Variants in SIX4 observed in about 807,000 individuals in gnomAD.
SIX4 encodes SIX homeobox 4.
SIX4 carries 23 observed loss-of-function variants against 51.5 expected under a neutral mutation model. That is an observed-to-expected ratio of 0.45 (90% confidence interval 0.32 to 0.63). The LOEUF (loss-of-function observed/expected upper bound fraction) is 0.63, where lower values mean the gene tolerates loss of function less well. Among genes scored for constraint, SIX4 ranks in the 30% least tolerant of loss-of-function variants. The pLI, the probability that SIX4 is intolerant of heterozygous loss-of-function variation, is 0.04. For synonymous variants in SIX4, 413 were observed against 417.3 expected, an observed-to-expected ratio of 0.99 and a Z score of 0.13; for missense variants, 867 against 984.0, an observed-to-expected ratio of 0.88 and a Z score of 1.59.
At chr14:60,721,704 G>A (rs564288657) in intron 1 of SIX4, among the ~76,000 whole-genome samples, 71 of 152,308 alleles carry the variant, frequency 4.7e-4, no homozygotes, top group African/African-American at 1.3e-3. Context: ...CCCGGCTCGC[G>A]AGCGGAGGCG....
In SIX4 at chr14:60,713,847, C is replaced by G. The variant is rs115086834; in HGVS notation, c.1906G>C (p.Asp636His). ...TLLNPTELNR[D>H]IADSQPMSAP... is the part of the protein sequence containing the mutation. ...GACATTGGTTGGCTATCGGCAATGT[C>G]GCGGTTTAGCTCAGTGGGATTTAGT... Residue 636 changes from aspartate (D) to histidine (H), a missense_variant, in exon 3 of 3, where the codon GAC becomes CAC. Transcript: ENST00000216513. The G allele has an allele frequency of 4.9e-4, 783 of 1,614,056 alleles. 2 individuals are homozygous for G. In the African/African-American group the frequency reaches 9.6e-3, roughly 20 times the overall value.
Position 60,722,968 on chromosome 14 carries a change from G to A in SIX4, c.863+244C>T, listed in dbSNP as rs1896052908. 10 of 684,332 alleles carry A rather than the reference G, an allele frequency of 1.5e-5. No homozygotes were observed. Among genetic ancestry groups the A allele is most frequent in the Non-Finnish European group, 2.3e-5 (10 of 439,128 alleles). The allele number at this position is 684,332 out of a possible 1,614,324, so 42.4% of individuals were successfully genotyped here. A position where few individuals can be genotyped will look rare whatever the true frequency, so the allele number is the denominator to read the frequency against. On this transcript the variant is annotated intron_variant, in intron 1 of 2. Coordinates refer to ENST00000216513, the MANE Select transcript of SIX4 (RefSeq NM_017420.5). The surrounding 1 kb of genome is among the most constrained non-coding windows in gnomAD (Gnocchi z 5.9). ...AGGTGGGGGCGGGGACTGAGACCTA[G>A]GCGGGCGACCAGAAACTTCTGGGGG...
At position 60,711,533 on chromosome 14, in the gene SIX4, C is replaced by G. The variant is rs2140264639; in HGVS notation, c.*1874G>C. The G allele has an allele frequency of 6.6e-6, 1 of 151,646 alleles. No individual in the cohort carries two copies. Among genetic ancestry groups the G allele is most frequent in the South Asian group, 2.1e-4 (1 of 4,812 alleles). 9.4% of individuals were successfully genotyped at this position (151,646 alleles called of 1,614,324 possible). A position where few individuals can be genotyped will look rare whatever the true frequency, so the allele number is the denominator to read the frequency against. On this transcript the variant is annotated 3_prime_UTR_variant, in exon 3 of 3. Transcript: ENST00000216513. The stretch of plus-strand genomic sequence containing the variant: ...AGGCACAGTGGCTCATGCCTATAAT[C>G]CCAGCACTTTGGGAGGCCGAGGCGG...
At chr14:60,721,895 C>G (rs1203317118) in intron 1 of SIX4, among the ~76,000 whole-genome samples, 1 of 152,244 alleles carries the variant, frequency 6.6e-6, no homozygotes, top group Non-Finnish European at 1.5e-5. Context: ...ACGCACATCC[C>G]GGTGCACCTT....
At position 60,724,034 on chromosome 14, in the gene SIX4, G is replaced by T. The variant is rs1442875808; in HGVS notation, c.41C>A (p.Ala14Glu). 1 of 1,528,850 alleles carries T rather than the reference G, an allele frequency of 6.5e-7. No individual in the cohort carries two copies. Among genetic ancestry groups the T allele is most frequent in the Non-Finnish European group, 8.8e-7 (1 of 1,138,580 alleles). 94.7% of individuals were successfully genotyped at this position (1,528,850 alleles called of 1,614,324 possible). A position where few individuals can be genotyped will look rare whatever the true frequency, so the allele number is the denominator to read the frequency against. Residue 14 changes from alanine to glutamate, a missense_variant, in exon 1 of 3, where the codon GCG becomes GAG. By Grantham distance (107) the Ala-to-Glu change is moderately radical. Coordinates refer to ENST00000216513, the MANE Select transcript of SIX4 (RefSeq NM_017420.5). ...SSPTGQIASA[A>E]DIKQENGMES... ...CATCCCATTCTCTTGCTTGATGTCC[G>T]CCGCACTTGCGATCTGCCCGGTGGG...
rs1895866747 is a variant in SIX4 at position 60,713,793 on chromosome 14, TCA to T, written c.1958_1959del (p.Val653AspfsTer7). The T allele has an allele frequency of 1.9e-6, 3 of 1,614,098 alleles. No homozygotes were observed. The highest frequency in any genetic ancestry group is 2.5e-6 in the Non-Finnish European group (3 of 1,180,046). ...MSAPVASKST[V>X]TSVSNTNYAT... ...GCATAGTTAGTGTTGCTGACAGATG[TCA>T]CAGTAGATTTGCTTGCCACCGGTGC... On this transcript the variant is annotated frameshift_variant, in exon 3 of 3. Transcript: ENST00000216513. LOFTEE classifies it high-confidence loss of function.
rs936789846 is a variant in SIX4 at position 60,709,784 on chromosome 14, G to T, written c.*3623C>A. Reference sequence around the variant, plus strand: ...CCCCATGATATACATTCTGTATAGAGTTTCTCTTTGTGTAAGGCACAGTAA... The same window carrying T: ...CCCCATGATATACATTCTGTATAGATTTTCTCTTTGTGTAAGGCACAGTAA... On this transcript the variant is annotated 3_prime_UTR_variant, in exon 3 of 3. Transcript: ENST00000216513. This position sits in a 1 kb window ranked among gnomAD's most constrained non-coding sequence, Gnocchi z 4.1. 6.6e-6 allele frequency: 1 copy of T among 152,554 alleles called. No individual in the cohort carries two copies. Among genetic ancestry groups the T allele is most frequent in the African/African-American group, 2.4e-5 (1 of 41,416 alleles). 9.5% of individuals were successfully genotyped at this position (152,554 alleles called of 1,614,324 possible). A position where few individuals can be genotyped will look rare whatever the true frequency, so the allele number is the denominator to read the frequency against.
At position 60,720,453 on chromosome 14, in the gene SIX4, G is replaced by A. The variant is rs771159600; in HGVS notation, c.864-8C>T. ...GGGTTGCCATCTGACTCACTGTATG[G>A]AGGGGGAAATCAAAATGTTCAGAAG... On this transcript the variant is annotated splice_region_variant and splice_polypyrimidine_tract_variant and intron_variant, in intron 1 of 2. Transcript: ENST00000216513. This position sits in a 1 kb window ranked among gnomAD's most constrained non-coding sequence, Gnocchi z 5.5. The A allele has an allele frequency of 1.1e-5, 17 of 1,604,904 alleles. No individual in the cohort carries two copies. The highest frequency in any genetic ancestry group is 3.3e-4 in the Middle Eastern group (2 of 5,998).
Position 60,713,924 on chromosome 14 carries a change from G to A in SIX4, c.1829C>T (p.Ser610Leu), listed in dbSNP as rs1895869956. 6 of 1,614,158 alleles carry A rather than the reference G, an allele frequency of 3.7e-6. No homozygotes were observed. Among genetic ancestry groups the A allele is most frequent in the Non-Finnish European group, 5.1e-6 (6 of 1,180,028 alleles). ...GTGAGTTGGAGATACATTAACTAATGAGGAGGCCAGTGGATGCAGGCCACT... is the reference window on the plus strand; with the variant it reads ...GTGAGTTGGAGATACATTAACTAATAAGGAGGCCAGTGGATGCAGGCCACT... The part of the protein sequence containing the change: ...SGSGLHPLAS[S>L]LVNVSPTHNF... The change falls in exon 3 of 3, where the codon TCA becomes TTA. Residue 610 changes from serine (S) to leucine (L), a missense_variant. Coordinates refer to ENST00000216513, the MANE Select transcript of SIX4 (RefSeq NM_017420.5).
intron 2 of SIX4, 136 bp from the exon 3 acceptor site, chr14:60,714,339 T>A: frequency 5.4e-6 from 4 of 735,408 alleles, no homozygotes; most frequent in Non-Finnish European, 8.4e-6. Flanking sequence ...CCAATTCTGG[T>A]TCAGAATTAC....
Position 60,713,552 on chromosome 14 carries a change from G to A in SIX4, c.2201C>T (p.Thr734Ile). ...AGAGTCCAGCATCATTAAGCTACTT[G>A]TTGCTTTGCTCTCAGAATTTGATAA... ...NFLSNSESKA[T>I]SSLMMLDSKS... The change falls in exon 3 of 3, where the codon ACA becomes ATA. Residue 734 changes from threonine (T) to isoleucine (I), a missense_variant. By Grantham distance (89) the Thr-to-Ile change is moderately conservative. Transcript: ENST00000216513. The A allele has an allele frequency of 6.2e-7, 1 of 1,614,162 alleles. No homozygotes were observed. Among genetic ancestry groups the A allele is most frequent in the Non-Finnish European group, 8.5e-7 (1 of 1,180,044 alleles).
rs775911648 is a variant in SIX4, at chr14:60,723,766, C to A, written c.309G>T (p.Gln103His). 10 of 1,539,558 alleles carry A rather than the reference C, an allele frequency of 6.5e-6. No individual in the cohort carries two copies. In the East Asian group the frequency reaches 2.2e-4, roughly 34 times the overall value. Residue 103 changes from glutamine (Q) to histidine (H), a missense_variant, in exon 1 of 3, where the codon CAG becomes CAT. Physicochemically the swap from Gln to His is conservative, Grantham distance 24 (BLOSUM62 0). Transcript: ENST00000216513. ...RHHHAAAAAAQTPLAFSPDHV... is the reference protein window; with the variant it reads ...RHHHAAAAAAHTPLAFSPDHV... Reference sequence around the variant, plus strand: ...GGTCGGGCGAGAAGGCCAGCGGGGTCTGCGCGGCGGCGGCGGCGGCGTGGT... The same window carrying A: ...GGTCGGGCGAGAAGGCCAGCGGGGTATGCGCGGCGGCGGCGGCGGCGTGGT...
chr14:60,721,517 G>A (rs988890387), intron 1 of SIX4, among the ~76,000 whole-genome samples: 1 of 152,182 alleles, frequency 6.6e-6, no homozygotes, highest in African/African-American at 2.4e-5. Context: ...AGCTGAGGCT[G>A]AGCCGCCGTC....
chr14:60,723,715 C>T lies in SIX4; in HGVS notation c.360G>A (p.Leu120=). The change falls in exon 1 of 3, where the codon CTG becomes CTA. Residue 120 remains leucine, a synonymous_variant. Coordinates refer to ENST00000216513, the MANE Select transcript of SIX4 (RefSeq NM_017420.5). The part of the protein sequence containing the change: ...PDHVACVCEA[L]QQGGNLDRLA... ...GGCGGTCCAGGTTGCCCCCCTGCTG[C>T]AGTGCCTCGCACACGCAGGCGACGT... is the stretch of plus-strand genomic sequence containing the variant. The T allele has an allele frequency of 6.4e-7, 1 of 1,552,522 alleles. No individual in the cohort carries two copies.
At position 60,723,440 on chromosome 14, in the gene SIX4, C is replaced by T. The variant is rs763542256; in HGVS notation, c.635G>A (p.Arg212Lys). Residue 212 changes from arginine (R) to lysine (K), a missense_variant, in exon 1 of 3, where the codon AGG (arginine) becomes AAG (lysine). Arg to Lys is a conservative substitution (Grantham distance 26). Transcript: ENST00000216513. ...GATGGTGCGGGGCAGGGGGAATTTC[C>T]TGCGCAGCCGGTACTTGTCTACGGC... ...LGAVDKYRLRRKFPLPRTIWD... is the reference protein window; with the variant it reads ...LGAVDKYRLRKKFPLPRTIWD... 5 of 1,609,886 alleles carry T rather than the reference C, an allele frequency of 3.1e-6. No homozygotes were observed. The highest frequency in any genetic ancestry group is 2.2e-5 in the South Asian group (2 of 91,028).
Position 60,712,671 on chromosome 14 carries a change from A to T in SIX4, c.*736T>A, listed in dbSNP as rs1434433208. 2 of 152,616 alleles carry T rather than the reference A, an allele frequency of 1.3e-5. No homozygotes were observed. The highest frequency in any genetic ancestry group is 6.5e-5 in the Admixed American group (1 of 15,280). 9.5% of individuals were successfully genotyped at this position (152,616 alleles called of 1,614,324 possible). A position where few individuals can be genotyped will look rare whatever the true frequency, so the allele number is the denominator to read the frequency against. On this transcript the variant is annotated 3_prime_UTR_variant, in exon 3 of 3. Coordinates refer to ENST00000216513, the MANE Select transcript of SIX4 (RefSeq NM_017420.5). ...CAATAAAAATAAATTAAACAGTAAG[A>T]AAACATATTTTTCAGTTCATAGCGC...
chr14:60,714,472 AC>A, intron 2 of SIX4, among the ~76,000 whole-genome samples: 1 of 152,132 alleles, frequency 6.6e-6, no homozygotes, highest in East Asian at 1.9e-4. Flanking sequence ...TTGTATGGAG[AC>A]ATCTTTTATG....
intron 1 of SIX4, among the ~76,000 whole-genome samples, chr14:60,721,958 T>C (rs1896028381): frequency 6.6e-6 from 1 of 152,302 alleles, no homozygotes; most frequent in Non-Finnish European, 1.5e-5. Flanking sequence ...CCTCCCAGCC[T>C]TGGGCGAGGA....
Position 60,722,303 on chromosome 14 carries a change from G to A in SIX4, c.863+909C>T, listed in dbSNP as rs1053169728. Among the ~76,000 whole-genome samples the A allele has an allele frequency of 5.9e-5, 9 of 152,156 alleles. No individual in the cohort carries two copies. The highest frequency in any genetic ancestry group is 1.2e-4 in the Non-Finnish European group (8 of 68,022). ...GTATTTTTTTTACCAGAGGGGGAAA[G>A]CAGTCTGCCAGGCAAAAAGCTCAAA... On this transcript the variant is annotated intron_variant, in intron 1 of 2. Transcript: ENST00000216513. The surrounding 1 kb of genome is among the most constrained non-coding windows in gnomAD (Gnocchi z 5.9).
Sources: allele counts gnomAD v4.1 joint callset (sites outside exome capture counted in the v4.1 genomes callset), GRCh38; gene constraint gnomAD v4.1.1; non-coding constraint Gnocchi (gnomAD v3.1); transcripts MANE v1.5; gene names NCBI Gene and HGNC (gene_info 2026-07-23, HGNC 2026-07-21).